ITK: variants seen among roughly 807,000 people sequenced by gnomAD.
ITK encodes IL2 inducible T cell kinase.
In ITK, 45 loss-of-function variants were observed where a neutral mutation model predicts 87.6. The ratio of observed to expected loss-of-function variants is 0.51; its 90% CI spans 0.40 to 0.66. ITK has a LOEUF of 0.66. Among genes scored for constraint, ITK ranks in the 30% least tolerant of loss-of-function variants. ITK has a pLI of 0.00. For missense variants in ITK, 605 were observed against 766.3 expected, an observed-to-expected ratio of 0.79 and a Z score of 2.48; for synonymous variants, 303 against 273.6, an observed-to-expected ratio of 1.11 and a Z score of -1.06.
Position 157,252,606 on chromosome 5 carries a change from G to A in ITK, c.1792-1G>A. 6.2e-7 allele frequency: 1 copy of A among 1,613,518 alleles called. No individual in the cohort carries two copies. The highest frequency in any genetic ancestry group is 8.5e-7 in the Non-Finnish European group (1 of 1,179,408). ...TACAGAGTTCTTTTTTCCCTCTCCA[G>A]AGACCAGAAGATCGGCCAGCCTTCT... On this transcript the variant is annotated splice_acceptor_variant, in intron 16 of 16. Transcript: ENST00000422843. LOFTEE classifies it high-confidence loss of function.
At chr5:157,186,583 G>A (rs952530320) in intron 1 of ITK, among the ~76,000 whole-genome samples, 1 of 152,126 alleles carries the variant, frequency 6.6e-6, no homozygotes, top group Admixed American at 6.5e-5. Context: ...GGCTGAAGCA[G>A]GAGAATTGCT....
chr5:157,220,756 T>C (rs536476655), intron 5 of ITK, among the ~76,000 whole-genome samples: 40 of 152,352 alleles, frequency 2.6e-4, no homozygotes, highest in African/African-American at 8.9e-4. Context: ...TCCTGCCTTT[T>C]AATGACAGAT....
At chr5:157,228,842 G>T (rs1754589350) in intron 7 of ITK, among the ~76,000 whole-genome samples, 1 of 152,064 alleles carries the variant, frequency 6.6e-6, no homozygotes, top group Non-Finnish European at 1.5e-5. Flanking sequence ...TGCCCAGGCT[G>T]GTCTTTAACT....
In ITK at chr5:157,252,730, A is replaced by G; in HGVS notation, c.*52A>G. The stretch of plus-strand genomic sequence containing the variant: ...TGCAGATCCTGAATGGAGGAAGGAT[A>G]TGTCCTCATTCCATAGAGCATTAGA... On this transcript the variant is annotated 3_prime_UTR_variant, in exon 17 of 17. Transcript: ENST00000422843. 7.5e-7 allele frequency: 1 copy of G among 1,337,210 alleles called. No individual in the cohort carries two copies. Among genetic ancestry groups the G allele is most frequent in the African/African-American group, 1.4e-5 (1 of 69,556 alleles). The allele number at this position is 1,337,210 out of a possible 1,614,324, so 82.8% of individuals were successfully genotyped here.
In ITK at chr5:157,245,918, A is replaced by G; in HGVS notation, c.1552A>G (p.Thr518Ala). ...TGATCAGTACACCAGTTCCACAGGC[A>G]CCAAATTCCCGGTGAAGTGGGCATC... ...LDDQYTSSTG[T>A]KFPVKWASPE... The change falls in exon 15 of 17, where the codon ACC becomes GCC. Residue 518 changes from threonine (T) to alanine (A), a missense_variant. Transcript: ENST00000422843. The G allele has an allele frequency of 6.2e-7, 1 of 1,614,136 alleles. No individual in the cohort carries two copies.
At chr5:157,232,640 A>T (rs1029770739) in intron 8 of ITK, among the ~76,000 whole-genome samples, 1 of 152,194 alleles carries the variant, frequency 6.6e-6, no homozygotes, top group Non-Finnish European at 1.5e-5. Flanking sequence ...TGAAAGAAAG[A>T]AAGAATTGTA....
Position 157,241,605 on chromosome 5 carries a change from A to C in ITK, c.986-41A>C, listed in dbSNP as rs561027617. ...ATTTAAGTTAGATGGTTGCTAGAGCAAAGCCCTAACCACTGCTTCTTGGCT... is the reference window on the plus strand; with the variant it reads ...ATTTAAGTTAGATGGTTGCTAGAGCCAAGCCCTAACCACTGCTTCTTGGCT... On this transcript the variant is annotated intron_variant, in intron 10 of 16. Coordinates refer to ENST00000422843, the MANE Select transcript of ITK (RefSeq NM_005546.4). 5.2e-5 allele frequency: 73 copies of C among 1,398,994 alleles called. No homozygotes were observed. In the South Asian group the frequency reaches 7.6e-4, roughly 15 times the overall value. The allele number at this position is 1,398,994 out of a possible 1,614,324, so 86.7% of individuals were successfully genotyped here.
chr5:157,238,196 G>A lies in ITK; in HGVS notation c.851+5G>A, dbSNP rs769166363. 2.5e-6 allele frequency: 4 copies of A among 1,607,578 alleles called. No individual in the cohort carries two copies. Among genetic ancestry groups the A allele is most frequent in the Non-Finnish European group, 3.4e-6 (4 of 1,174,168 alleles). ...TTTCACCAAGGCTGTTGTAAGGTAT[G>A]GAGCTAACTCTGCTCAGCAAAGTGG... On this transcript the variant is annotated splice_donor_5th_base_variant and intron_variant, in intron 9 of 16. Transcript: ENST00000422843.
chr5:157,252,792 G>GGCCT lies in ITK; in HGVS notation c.*116_*119dup, dbSNP rs930375873. 3.6e-6 allele frequency: 3 copies of GGCCT among 825,504 alleles called. No homozygotes were observed. Among genetic ancestry groups the GGCCT allele is most frequent in the African/African-American group, 3.3e-5 (2 of 60,110 alleles). 51.1% of individuals were successfully genotyped at this position (825,504 alleles called of 1,614,324 possible). ...GCCCAGGACCCTCCAGAGGCAGCCT[G>GGCCT]GCCTGTGGCATCAGTCCCTGAGTCA... is the stretch of plus-strand genomic sequence containing the variant. On this transcript the variant is annotated 3_prime_UTR_variant, in exon 17 of 17. Coordinates refer to ENST00000422843, the MANE Select transcript of ITK (RefSeq NM_005546.4).
At chr5:157,223,721 T>C (rs2113761556) in intron 6 of ITK, among the ~76,000 whole-genome samples, 1 of 152,302 alleles carries the variant, frequency 6.6e-6, no homozygotes. Flanking sequence ...AAATGTACTC[T>C]AAATTGCAAA....
At position 157,245,865 on chromosome 5, in the gene ITK, T is replaced by A; in HGVS notation, c.1515-16T>A. 1 of 1,611,374 alleles carries A rather than the reference T, an allele frequency of 6.2e-7. No homozygotes were observed. The highest frequency in any genetic ancestry group is 8.5e-7 in the Non-Finnish European group (1 of 1,177,424). On this transcript the variant is annotated splice_polypyrimidine_tract_variant and intron_variant, in intron 14 of 16. Coordinates refer to ENST00000422843, the MANE Select transcript of ITK (RefSeq NM_005546.4). ...CCCCGGAACATTCTGACCTTCTCCC[T>A]CCACTCTCTTCCCAGGTTCGTTCTG...
At chr5:157,210,165 C>T (rs1202769322) in intron 2 of ITK, among the ~76,000 whole-genome samples, 1 of 152,088 alleles carries the variant, frequency 6.6e-6, no homozygotes, top group Non-Finnish European at 1.5e-5. Context: ...ACCTCGTGAT[C>T]GACCCGCCTC....
chr5:157,242,455 C>T (rs1028790761), intron 11 of ITK, among the ~76,000 whole-genome samples: 8 of 152,122 alleles, frequency 5.3e-5, no homozygotes, highest in Non-Finnish European at 8.8e-5. Context: ...CTCACCAAAA[C>T]ACAATCCTTG....
In ITK at chr5:157,253,162, C is replaced by T. The variant is rs1755177789; in HGVS notation, c.*484C>T. 6.9e-6 allele frequency: 2 copies of T among 291,662 alleles called. No homozygotes were observed. Among genetic ancestry groups the T allele is most frequent in the Admixed American group, 4.6e-5 (1 of 21,790 alleles). 18.1% of individuals were successfully genotyped at this position (291,662 alleles called of 1,614,324 possible). A position where few individuals can be genotyped will look rare whatever the true frequency, so the allele number is the denominator to read the frequency against. On this transcript the variant is annotated 3_prime_UTR_variant, in exon 17 of 17. Coordinates refer to ENST00000422843, the MANE Select transcript of ITK (RefSeq NM_005546.4). ...GAGCATGAGTCTTTTTCCAAGAAAACTGGTGAGTTAAGTAAGATTAGAGTG... is the reference window on the plus strand; with the variant it reads ...GAGCATGAGTCTTTTTCCAAGAAAATTGGTGAGTTAAGTAAGATTAGAGTG...
intron 5 of ITK, among the ~76,000 whole-genome samples, chr5:157,218,905 G>A (rs370260270): frequency 3.9e-5 from 6 of 152,160 alleles, no homozygotes; most frequent in Admixed American, 3.3e-4. Flanking sequence ...GCTGGGGGAG[G>A]GGCCCAGGAA....
At chr5:157,249,056 ACCTC>A in intron 16 of ITK, 49 bp downstream of exon 16, 1 of 1,527,194 alleles carries the variant, frequency 6.5e-7, no homozygotes, top group Middle Eastern at 1.9e-4. Flanking sequence ...CAATTTGAGG[ACCTC>A]CCTCCTTCCC....
intron 11 of ITK, 77 bp downstream of exon 11, chr5:157,241,797 C>T: frequency 1.0e-6 from 1 of 981,478 alleles, no homozygotes; most frequent in Middle Eastern, 2.2e-4. Context: ...GGCCATGAGC[C>T]TACCTGTTCC....
intron 6 of ITK, among the ~76,000 whole-genome samples, chr5:157,227,579 T>C (rs542855913): frequency 6.6e-6 from 1 of 152,264 alleles, no homozygotes; most frequent in South Asian, 2.1e-4. Flanking sequence ...TTTGGTTTCC[T>C]GACTATAAAA....
intron 1 of ITK, among the ~76,000 whole-genome samples, chr5:157,189,155 T>C (rs917048668): frequency 2.6e-5 from 4 of 152,188 alleles, no homozygotes; most frequent in African/African-American, 9.6e-5. Flanking sequence ...TGCATCTGTT[T>C]TAATGGAGTG....
Sources: allele counts gnomAD v4.1 joint callset (sites outside exome capture counted in the v4.1 genomes callset), GRCh38; gene constraint gnomAD v4.1.1; transcripts MANE v1.5; gene names NCBI Gene and HGNC (gene_info 2026-07-23, HGNC 2026-07-21).